PPFIA2: variants seen among roughly 807,000 people sequenced by gnomAD.
The protein encoded by PPFIA2 is PPFI scaffold protein A2, also known as liprin-alpha-2.
A neutral mutation model predicts 175.5 loss-of-function variants in PPFIA2; 46 were observed. That is an observed-to-expected ratio of 0.26 (90% confidence interval 0.21 to 0.34). The LOEUF (loss-of-function observed/expected upper bound fraction) is 0.34. Among genes scored for constraint, PPFIA2 ranks in the 10% least tolerant of loss-of-function variants. The pLI, the probability that PPFIA2 is intolerant of heterozygous loss-of-function variation, is 1.00. For missense variants in PPFIA2, 1,179 were observed against 1,506.1 expected (o/e 0.78, Z 3.60); for synonymous variants, 568 against 511.4 (o/e 1.11, Z -1.49).
At chr12:81,283,563 T>C (rs528986842) in intron 25 of PPFIA2, among the ~76,000 whole-genome samples, 1 of 152,188 alleles carries the variant, frequency 6.6e-6, no homozygotes, top group East Asian at 1.9e-4. Context: ...GACATTGGTG[T>C]TTTTATCCTT....
chr12:81,702,792 TA>T (rs1354479025), intron 3 of PPFIA2, among the ~76,000 whole-genome samples: 2 of 152,158 alleles, frequency 1.3e-5, no homozygotes, highest in Non-Finnish European at 2.9e-5. Context: ...TAATTAGGTT[TA>T]GATATGATTA....
intron 4 of PPFIA2, among the ~76,000 whole-genome samples, chr12:81,604,674 AT>A (rs2153459598): frequency 6.6e-6 from 1 of 151,822 alleles, no homozygotes; most frequent in Admixed American, 6.6e-5. Flanking sequence ...TTTTCAGGCA[AT>A]GGCTACCACT....
chr12:81,618,523 G>T (rs1223752454), intron 4 of PPFIA2, among the ~76,000 whole-genome samples: 1 of 144,460 alleles, frequency 6.9e-6, no homozygotes, highest in Non-Finnish European at 1.5e-5. Context: ...GATACCCATG[G>T]CACTTTTTTT....
At chr12:81,332,141 T>C (rs564437311) in intron 21 of PPFIA2, among the ~76,000 whole-genome samples, 1 of 152,140 alleles carries the variant, frequency 6.6e-6, no homozygotes, top group East Asian at 1.9e-4. Context: ...TCACTTCTGC[T>C]TGGATGCTTG....
chr12:81,332,347 T>C (rs1025311507), intron 21 of PPFIA2, among the ~76,000 whole-genome samples: 1 of 152,112 alleles, frequency 6.6e-6, no homozygotes, highest in African/African-American at 2.4e-5. Flanking sequence ...GAAAACGCCA[T>C]TTCCATGACA....
intron 22 of PPFIA2, among the ~76,000 whole-genome samples, chr12:81,306,108 C>T (rs1342293727): frequency 1.3e-5 from 2 of 152,172 alleles, no homozygotes; most frequent in African/African-American, 4.8e-5. Flanking sequence ...CTGTCATTTT[C>T]CCCTTCATAC....
At chr12:81,669,467 TGAAA>T (rs1242416841) in intron 4 of PPFIA2, among the ~76,000 whole-genome samples, 15 of 152,064 alleles carry the variant, frequency 9.9e-5, no homozygotes, top group South Asian at 6.2e-4. Flanking sequence ...TCTATAATAG[TGAAA>T]GAAAGAGACA....
At chr12:81,395,919 C>A (rs546552334) in intron 8 of PPFIA2, among the ~76,000 whole-genome samples, 7 of 152,040 alleles carry the variant, frequency 4.6e-5, no homozygotes, top group South Asian at 4.1e-4. Flanking sequence ...AGCCCTCTGG[C>A]CCCTCTTCCA....
At chr12:81,311,732 C>CAAAAA (rs1050904857) in intron 22 of PPFIA2, among the ~76,000 whole-genome samples, 17 of 48,196 alleles carry the variant, frequency 3.5e-4, no homozygotes, top group African/African-American at 6.0e-4. Context: ...GACTCTGTCT[C>CAAAAA]AAAAAAAAAA....
At chr12:81,609,828 G>A (rs1464339511) in intron 4 of PPFIA2, among the ~76,000 whole-genome samples, 1 of 152,094 alleles carries the variant, frequency 6.6e-6, no homozygotes, top group East Asian at 1.9e-4. Context: ...TTGCTAGCTG[G>A]TTGCTATGTA....
intron 4 of PPFIA2, among the ~76,000 whole-genome samples, chr12:81,657,481 G>A (rs1440541482): frequency 6.6e-6 from 1 of 152,132 alleles, no homozygotes; most frequent in Non-Finnish European, 1.5e-5. Flanking sequence ...CCTTCTTAGA[G>A]AGCCATCTTC....
intron 3 of PPFIA2, among the ~76,000 whole-genome samples, chr12:81,744,152 GA>G (rs2082712958): frequency 6.6e-6 from 1 of 152,104 alleles, no homozygotes; most frequent in Non-Finnish European, 1.5e-5. Flanking sequence ...AGTTGAAGCT[GA>G]AATCCAAGTG....
At chr12:81,386,142 G>A (rs1199047532) in intron 8 of PPFIA2, among the ~76,000 whole-genome samples, 2 of 151,496 alleles carry the variant, frequency 1.3e-5, no homozygotes, top group East Asian at 3.9e-4. Context: ...ATAGGGTGTG[G>A]TGGCATGCAC....
chr12:81,494,596 A>G (rs2059812617), intron 4 of PPFIA2, among the ~76,000 whole-genome samples: 3 of 152,112 alleles, frequency 2.0e-5, no homozygotes, highest in Non-Finnish European at 4.4e-5. Flanking sequence ...ATTACTGGGT[A>G]TATACCCAAA....
At position 81,722,280 on chromosome 12, in the gene PPFIA2, T is replaced by C. The variant is rs574554962; in HGVS notation, c.249+31693A>G. Among the ~76,000 whole-genome samples the C allele has an allele frequency of 3.3e-5, 5 of 151,182 alleles. No homozygotes were observed. The East Asian group carries it at 9.7e-4, about 29-fold the overall frequency. ...AGTAGTCACATACCTTGCCATAATA[T>C]TAGAAGACAGTGTATGACAATCATC... On this transcript the variant is annotated intron_variant, in intron 3 of 32. Coordinates refer to ENST00000549396, the MANE Select transcript of PPFIA2 (RefSeq NM_003625.5).
chr12:81,367,391 C>T (rs1290924762), intron 13 of PPFIA2, among the ~76,000 whole-genome samples: 1 of 151,526 alleles, frequency 6.6e-6, no homozygotes, highest in Non-Finnish European at 1.5e-5. Context: ...TTTTGTAACA[C>T]TTGAATGAAC....
chr12:81,312,191 C>T (rs923475479), intron 22 of PPFIA2: 62 of 1,532,462 alleles, frequency 4.0e-5, no homozygotes, highest in Middle Eastern at 1.7e-4. Context: ...TGGAGAAGGA[C>T]GGATGGAAAA....
intron 8 of PPFIA2, among the ~76,000 whole-genome samples, chr12:81,398,144 T>C (rs1473419416): frequency 1.3e-5 from 2 of 152,018 alleles, no homozygotes; most frequent in South Asian, 2.1e-4. Context: ...GGTGGAAAAA[T>C]TGTCTTCCAC....
chr12:81,757,279 T>C (rs1336445184), intron 2 of PPFIA2, among the ~76,000 whole-genome samples: 1 of 152,186 alleles, frequency 6.6e-6, no homozygotes, highest in Non-Finnish European at 1.5e-5. Flanking sequence ...CCCAGATACA[T>C]CACTTTTAAC....
Sources: gnomAD v4.1 joint callset for allele counts (sites outside exome capture counted in the v4.1 genomes callset) on GRCh38, gnomAD v4.1.1 for gene constraint, MANE v1.5 for transcripts, NCBI Gene and HGNC (gene_info 2026-07-23, HGNC 2026-07-21) for gene names.